PLPP1: variants seen among roughly 807,000 people sequenced by gnomAD.
PLPP1 encodes lipid phosphate phosphohydrolase 1a.
Under a neutral mutation model 31.2 loss-of-function variants are expected in PLPP1, and 24 were observed. The ratio of observed to expected loss-of-function variants is 0.77; its 90% CI spans 0.56 to 1.08. PLPP1 has a LOEUF of 1.08. Among genes scored for constraint, PLPP1 ranks in the 50% least tolerant of loss-of-function variants. The pLI, the probability that PLPP1 is intolerant of heterozygous loss-of-function variation, is 0.00. For missense variants in PLPP1, 319 were observed against 342.7 expected (o/e 0.93, Z 0.55); for synonymous variants, 146 against 126.3 (o/e 1.16, Z -1.05).
intron 3 of PLPP1, among the ~76,000 whole-genome samples, chr5:55,449,569 A>G (rs1751850395): frequency 6.6e-6 from 1 of 152,190 alleles, no homozygotes; most frequent in African/African-American, 2.4e-5. Context: ...CCAGCAGTGA[A>G]TCGGGCCCTG....
intron 1 of PLPP1, among the ~76,000 whole-genome samples, chr5:55,532,001 T>C (rs1740685959): frequency 6.6e-6 from 1 of 152,210 alleles, no homozygotes; most frequent in Non-Finnish European, 1.5e-5. Context: ...ATAGATTAAA[T>C]GCCTTTTCCT....
At chr5:55,465,211 CTT>C (rs1752262105) in intron 3 of PLPP1, among the ~76,000 whole-genome samples, 1 of 151,806 alleles carries the variant, frequency 6.6e-6, no homozygotes, top group Non-Finnish European at 1.5e-5. Flanking sequence ...TGCCCAGCTA[CTT>C]TTTGTATTTT....
chr5:55,503,596 T>C (rs1474055407), intron 1 of PLPP1, among the ~76,000 whole-genome samples: 1 of 149,568 alleles, frequency 6.7e-6, no homozygotes, highest in Non-Finnish European at 1.5e-5. Flanking sequence ...GCCAACATGG[T>C]AAAACCCCAT....
chr5:55,450,388 T>A (rs1579931572), intron 3 of PLPP1, among the ~76,000 whole-genome samples: 1 of 152,214 alleles, frequency 6.6e-6, no homozygotes, highest in Non-Finnish European at 1.5e-5. Flanking sequence ...TAGAACTTGT[T>A]ATCATGTGTG....
chr5:55,505,592 A>T (rs1286102858), intron 1 of PLPP1, among the ~76,000 whole-genome samples: 1 of 152,230 alleles, frequency 6.6e-6, no homozygotes, highest in Non-Finnish European at 1.5e-5. Flanking sequence ...GGTCTCCCCA[A>T]AATATCTATG....
chr5:55,436,552 C>CTT (rs1416120808), intron 4 of PLPP1, among the ~76,000 whole-genome samples: 1 of 152,160 alleles, frequency 6.6e-6, no homozygotes, highest in African/African-American at 2.4e-5. Context: ...TTGGGTATGT[C>CTT]TTTATCGGCA....
intron 1 of PLPP1, among the ~76,000 whole-genome samples, chr5:55,483,851 T>C (rs1359500046): frequency 2.0e-5 from 3 of 152,012 alleles, no homozygotes; most frequent in African/African-American, 4.8e-5. Context: ...GGAGATATAA[T>C]GGGATTTTAA....
intron 1 of PLPP1, among the ~76,000 whole-genome samples, chr5:55,502,474 G>A (rs538911306): frequency 1.8e-4 from 27 of 149,972 alleles, no homozygotes; most frequent in Middle Eastern, 3.4e-3. Flanking sequence ...TGACAAGAGT[G>A]AGACTCCGTC....
At chr5:55,497,711 T>C (rs1753032842) in intron 1 of PLPP1, among the ~76,000 whole-genome samples, 1 of 152,086 alleles carries the variant, frequency 6.6e-6, no homozygotes, top group Admixed American at 6.5e-5. Flanking sequence ...AAGGAGAGTT[T>C]AAGAAAGGGA....
intron 1 of PLPP1, among the ~76,000 whole-genome samples, chr5:55,516,104 A>C (rs1753550416): frequency 1.3e-5 from 2 of 152,158 alleles, no homozygotes. Flanking sequence ...GAAGCTTCAG[A>C]ACTATTCTTG....
intron 1 of PLPP1, among the ~76,000 whole-genome samples, chr5:55,508,561 G>C (rs1579974471): frequency 6.6e-6 from 1 of 152,092 alleles, no homozygotes; most frequent in South Asian, 2.1e-4. Context: ...TTAAAGATCT[G>C]GGAGTGGCTC....
At chr5:55,527,903 T>C (rs1015528733) in intron 1 of PLPP1, among the ~76,000 whole-genome samples, 4 of 152,116 alleles carry the variant, frequency 2.6e-5, no homozygotes, top group African/African-American at 9.7e-5. Flanking sequence ...TTTAGGGAGA[T>C]CCTTTCTGAT....
intron 3 of PLPP1, among the ~76,000 whole-genome samples, chr5:55,453,070 AAT>A (rs1222261249): frequency 2.6e-5 from 4 of 152,212 alleles, no homozygotes; most frequent in African/African-American, 9.7e-5. Context: ...ACTATTGAGT[AAT>A]AAAGTTTTAT....
intron 1 of PLPP1, among the ~76,000 whole-genome samples, chr5:55,529,065 A>T (rs767680476): frequency 3.3e-5 from 5 of 152,090 alleles, no homozygotes; most frequent in Non-Finnish European, 7.4e-5. Context: ...GTGTAAACTC[A>T]ATTTCTAAGG....
At chr5:55,507,394 G>GA (rs1353061918) in intron 1 of PLPP1, among the ~76,000 whole-genome samples, 1 of 152,090 alleles carries the variant, frequency 6.6e-6, no homozygotes, top group Non-Finnish European at 1.5e-5. Flanking sequence ...AGATTGCTCG[G>GA]AAAAAGTGGC....
chr5:55,533,990 G>C (rs1740780211), intron 1 of PLPP1, among the ~76,000 whole-genome samples: 1 of 152,052 alleles, frequency 6.6e-6, no homozygotes, highest in Non-Finnish European at 1.5e-5. Context: ...AACAGGTCTG[G>C]GGTACCGCAT....
Position 55,443,177 on chromosome 5 carries a change from TAAA to T in PLPP1, c.492-1272_492-1270del, listed in dbSNP as rs1178247543. Among the ~76,000 whole-genome samples, 73 of 51,024 alleles carry T rather than the reference TAAA, an allele frequency of 1.4e-3. 2 individuals carry two copies. Among genetic ancestry groups the T allele is most frequent in the African/African-American group, 5.2e-3 (67 of 12,850 alleles). 33.5% of individuals were successfully genotyped at this position (51,024 alleles called of 152,430 possible). ...AGTGGGTGGGAAAGAAAGGATTACTTAAAAAAAAAAAAAAAATATATATATATA... is the reference window on the plus strand; with the variant it reads ...AGTGGGTGGGAAAGAAAGGATTACTTAAAAAAAAAAAAATATATATATATA... On this transcript the variant is annotated intron_variant, in intron 3 of 5. Coordinates refer to ENST00000307259, the MANE Select transcript of PLPP1 (RefSeq NM_003711.4).
chr5:55,455,117 CA>C (rs1410770062), intron 3 of PLPP1, among the ~76,000 whole-genome samples: 1 of 151,974 alleles, frequency 6.6e-6, no homozygotes, highest in Non-Finnish European at 1.5e-5. Context: ...ATAATCCAAA[CA>C]AAAATAATTT....
rs763058616 is a variant in PLPP1 at position 55,425,272 on chromosome 5, GTCC to G, written c.786_788del (p.Glu262del). 1.1e-5 allele frequency: 17 copies of G among 1,611,734 alleles called. No homozygotes were observed. In the South Asian group the frequency reaches 1.3e-4, roughly 13 times the overall value. ...GTGTTTCATGCAGAGTTGTATGAGA[GTCC>G]TCCTCTTTTCTTTCTTTAAAAGAAG... is the stretch of plus-strand genomic sequence containing the variant. On this transcript the variant is annotated inframe_deletion, in exon 6 of 6. Coordinates refer to ENST00000307259, the MANE Select transcript of PLPP1 (RefSeq NM_003711.4).
Sources: allele counts gnomAD v4.1 joint callset (sites outside exome capture counted in the v4.1 genomes callset), GRCh38; gene constraint gnomAD v4.1.1; transcripts MANE v1.5; gene names NCBI Gene and HGNC (gene_info 2026-07-23, HGNC 2026-07-21).